Variants in DAB1 observed in about 807,000 individuals in gnomAD.
DAB1 encodes DAB adaptor protein 1.
Under a neutral mutation model 64.6 loss-of-function variants are expected in DAB1, and 15 were observed. The observed-to-expected ratio is 0.23, with a 90% CI of 0.16 to 0.36. The LOEUF is 0.36. DAB1 is among the 10% of genes least tolerant of loss of function. The probability of loss-of-function intolerance (pLI) is 1.00; values close to 1 mark genes in which losing one functional copy is unlikely to be tolerated. For synonymous variants in DAB1, 235 were observed against 251.9 expected, an observed-to-expected ratio of 0.93 and a Z score of 0.64; for missense variants, 596 against 706.7, an observed-to-expected ratio of 0.84 and a Z score of 1.78.
chr1:58,037,537 T>C (rs1647063967), intron 5 of DAB1, among the ~76,000 whole-genome samples: 1 of 152,166 alleles, frequency 6.6e-6, no homozygotes, highest in Non-Finnish European at 1.5e-5. Flanking sequence ...ACTGTGCATG[T>C]GAGGAATCTA....
At chr1:57,133,278 A>C (rs1336311523) in intron 4 of DAB1, among the ~76,000 whole-genome samples, 1 of 152,184 alleles carries the variant, frequency 6.6e-6, no homozygotes. Context: ...ATCATTTTTT[A>C]TGATATAAAG....
chr1:57,147,597 G>T (rs1402229067), intron 2 of DAB1, among the ~76,000 whole-genome samples: 1 of 152,124 alleles, frequency 6.6e-6, no homozygotes, highest in Non-Finnish European at 1.5e-5. Context: ...AGAGACTAGA[G>T]CTAAGAACAA....
intron 2 of DAB1, among the ~76,000 whole-genome samples, chr1:57,281,447 G>A (rs1371780436): frequency 6.6e-6 from 1 of 152,194 alleles, no homozygotes; most frequent in African/African-American, 2.4e-5. Context: ...AACCCCACGT[G>A]TAAAAAATCA....
At chr1:58,139,978 A>G (rs1410427676) in intron 5 of DAB1, among the ~76,000 whole-genome samples, 2 of 152,170 alleles carry the variant, frequency 1.3e-5, no homozygotes, top group Non-Finnish European at 2.9e-5. Context: ...CATTCTCTCA[A>G]GGATCACTGG....
At chr1:57,927,429 G>GA (rs527567826) in intron 5 of DAB1, among the ~76,000 whole-genome samples, 5 of 151,990 alleles carry the variant, frequency 3.3e-5, no homozygotes, top group Non-Finnish European at 7.4e-5. Context: ...AGCTTCTAGG[G>GA]AAATCCAAGT....
intron 7 of DAB1, among the ~76,000 whole-genome samples, chr1:57,530,826 C>T (rs2101414645): frequency 6.6e-6 from 1 of 152,194 alleles, no homozygotes; most frequent in Non-Finnish European, 1.5e-5. Flanking sequence ...TACAGGAAGG[C>T]ATTAAAAAGC....
At chr1:57,113,871 T>C (rs999463783) in intron 4 of DAB1, among the ~76,000 whole-genome samples, 1 of 152,174 alleles carries the variant, frequency 6.6e-6, no homozygotes, top group Non-Finnish European at 1.5e-5. Context: ...ATGTGATCTT[T>C]CTCGTAAATA....
chr1:58,225,257 A>G lies in DAB1; in HGVS notation n.310-74669T>C, dbSNP rs542405292. Among the ~76,000 whole-genome samples, 883 of 152,280 alleles carry G rather than the reference A, an allele frequency of 5.8e-3. 10 individuals are homozygous for G. Among genetic ancestry groups the G allele is most frequent in the African/African-American group, 0.02 (843 of 41,562 alleles). ...CAGAGAAATGCAAATCAAAACCACA[A>G]TGAGATACCATCTCACACCAGTTAG... On this transcript the variant is annotated intron_variant and non_coding_transcript_variant, in intron 4 of 20. Coordinates refer to the DAB1 transcript ENST00000485760.
At chr1:57,727,282 A>T (rs559714311) in intron 6 of DAB1, among the ~76,000 whole-genome samples, 75 of 152,364 alleles carry the variant, frequency 4.9e-4, no homozygotes, top group African/African-American at 1.7e-3. Context: ...AGGCAGGCCT[A>T]ACTGCTCCAC....
chr1:58,383,588 A>AT (rs1274625310), intron 3 of DAB1, among the ~76,000 whole-genome samples: 2 of 148,426 alleles, frequency 1.3e-5, no homozygotes, highest in African/African-American at 5.1e-5. Context: ...TCATACATAC[A>AT]TTTTTTCAGT....
At chr1:57,357,519 CTTTTT>C (rs35457403) in intron 1 of DAB1, among the ~76,000 whole-genome samples, 44 of 122,770 alleles carry the variant, frequency 3.6e-4, no homozygotes, top group Admixed American at 1.1e-3. Context: ...CACCTTCTTC[CTTTTT>C]TTTTTTTTTT....
chr1:58,088,929 C>T (rs560170737), intron 5 of DAB1, among the ~76,000 whole-genome samples: 10 of 152,136 alleles, frequency 6.6e-5, no homozygotes, highest in African/African-American at 2.2e-4. Context: ...TGAAGGAACG[C>T]GGGGCAAGAA....
intron 2 of DAB1, among the ~76,000 whole-genome samples, chr1:57,210,944 AT>A (rs1239651511): frequency 6.6e-6 from 1 of 152,220 alleles, no homozygotes; most frequent in Non-Finnish European, 1.5e-5. Flanking sequence ...CATCATATCA[AT>A]TTCAAAATAT....
At chr1:57,333,259 G>C (rs1676826044) in intron 1 of DAB1, among the ~76,000 whole-genome samples, 1 of 152,186 alleles carries the variant, frequency 6.6e-6, no homozygotes, top group African/African-American at 2.4e-5. Context: ...AGGAAAGAGG[G>C]AGGAGATTAA....
chr1:57,691,123 G>A (rs565819071), intron 6 of DAB1, among the ~76,000 whole-genome samples: 1 of 152,082 alleles, frequency 6.6e-6, no homozygotes, highest in Non-Finnish European at 1.5e-5. Context: ...TTCCTGGGTC[G>A]AGTGGGGACT....
At chr1:58,044,516 G>C (rs555237272) in intron 5 of DAB1, among the ~76,000 whole-genome samples, 1 of 151,902 alleles carries the variant, frequency 6.6e-6, no homozygotes, top group Non-Finnish European at 1.5e-5. Context: ...TGTTTTCTGA[G>C]TGTCTCTTGT....
chr1:57,612,507 C>G (rs1223964362), intron 7 of DAB1, among the ~76,000 whole-genome samples: 3 of 151,826 alleles, frequency 2.0e-5, no homozygotes, highest in Admixed American at 1.3e-4. Context: ...AATCAGGGGT[C>G]AGGGAAGAGA....
intron 2 of DAB1, among the ~76,000 whole-genome samples, chr1:57,203,488 G>C (rs138981123): frequency 6.6e-6 from 1 of 152,172 alleles, no homozygotes; most frequent in Non-Finnish European, 1.5e-5. Flanking sequence ...CAGACTAGCT[G>C]CCATGACACT....
At chr1:57,547,807 G>A (rs1051445544) in intron 7 of DAB1, among the ~76,000 whole-genome samples, 2 of 152,154 alleles carry the variant, frequency 1.3e-5, no homozygotes, top group African/African-American at 2.4e-5. Flanking sequence ...TCAATATTAG[G>A]AGAAACTGAG....
Sources: gnomAD v4.1 joint callset for allele counts (sites outside exome capture counted in the v4.1 genomes callset) on GRCh38, gnomAD v4.1.1 for gene constraint, MANE v1.5 for transcripts, NCBI Gene and HGNC (gene_info 2026-07-23, HGNC 2026-07-21) for gene names.